Variants in RBM41 observed in about 807,000 individuals in gnomAD.
RBM41 encodes the protein RNA binding motif protein 41.
RBM41 carries 14 observed loss-of-function variants against 30.8 expected under a neutral mutation model. The ratio of observed to expected loss-of-function variants is 0.45; its 90% CI spans 0.30 to 0.71. The LOEUF (loss-of-function observed/expected upper bound fraction) is 0.71. Ranked by LOEUF, RBM41 falls within the 30% of genes least tolerant of loss-of-function variation. The pLI is 0.08. For missense variants in RBM41, 276 were observed against 326.3 expected, an observed-to-expected ratio of 0.85 and a Z score of 1.19; for synonymous variants, 120 against 110.1, an observed-to-expected ratio of 1.09 and a Z score of -0.56.
intron 5 of RBM41, among the ~76,000 whole-genome samples, chrX:107,111,884 C>T (rs765477020): frequency 9.0e-6 from 1 of 110,884 alleles, no homozygotes; most frequent in Non-Finnish European, 1.9e-5. Flanking sequence ...ATGGAGAAAA[C>T]GGGGAGTTAG....
the RBM41 span, among the ~76,000 whole-genome samples, chrX:107,056,586 T>G: frequency 9.0e-6 from 1 of 111,731 alleles, no homozygotes; most frequent in African/African-American, 3.3e-5. Context: ...GATTTTTTCT[T>G]TGTGCGTCAA....
chrX:107,112,916 T>TATC (rs1452928619), intron 5 of RBM41: 1 of 320,504 alleles, frequency 3.1e-6, no homozygotes, highest in Non-Finnish European at 6.0e-6. Flanking sequence ...GAGGGAGTTT[T>TATC]TTAAGGTGAT....
chrX:107,105,433 G>A (rs2147712890), intron 5 of RBM41, among the ~76,000 whole-genome samples: 1 of 106,448 alleles, frequency 9.4e-6, no homozygotes, highest in South Asian at 4.5e-4. Context: ...CGTGAAAATG[G>A]CCATACTGCC....
At position 107,088,558 on chromosome X, in the gene RBM41, T is replaced by C; in HGVS notation, c.877A>G (p.Lys293Glu). 8.3e-7 allele frequency: 1 copy of C among 1,211,721 alleles called. No homozygotes were observed. Among genetic ancestry groups the C allele is most frequent in the Non-Finnish European group, 1.1e-6 (1 of 895,523 alleles). Residue 293 changes from lysine (K) to glutamate (E), a missense_variant, in exon 6 of 8, where the codon AAG becomes GAG. Coordinates refer to ENST00000685964, the MANE Select transcript of RBM41 (RefSeq NM_001324242.2). The part of the protein sequence containing the change: ...FSPEQCWTGP[K>E]KLTQPIEFVP... ...AATTCTATTGGCTGCGTCAGCTTCT[T>C]AGGCCCAGTCCAACACTGCTCAGGT...
chrX:107,092,270 A>C (rs775148635), intron 5 of RBM41, among the ~76,000 whole-genome samples: 22 of 110,687 alleles, frequency 2.0e-4, no homozygotes, highest in African/African-American at 5.9e-4. Context: ...GATGGACCAA[A>C]AAAAAAAAAC....
rs1174948554 is a variant in RBM41, at chrX:107,066,583, T to C, written c.*944A>G. On this transcript the variant is annotated 3_prime_UTR_variant, in exon 8 of 8. Transcript: ENST00000685964. ...TTATCCTCACTTTATAGATGAAAAA[T>C]GTGAGGCTCAGATTAAGTGACTTGC... is the stretch of plus-strand genomic sequence containing the variant. 2 of 335,525 alleles carry C rather than the reference T, an allele frequency of 6.0e-6. No homozygotes were observed. Among genetic ancestry groups the C allele is most frequent in the Non-Finnish European group, 7.7e-6 (2 of 259,162 alleles). 27.7% of individuals were successfully genotyped at this position (335,525 alleles called of 1,213,427 possible). A position where few individuals can be genotyped will look rare whatever the true frequency, so the allele number is the denominator to read the frequency against.
rs1246767352 is a variant in RBM41, at chrX:107,064,817, T to C, written c.*2710A>G. 8.9e-6 allele frequency: 1 copy of C among 111,841 alleles called. No individual in the cohort carries two copies. The highest frequency in any genetic ancestry group is 1.9e-5 in the Non-Finnish European group (1 of 53,180). The allele number at this position is 111,841 out of a possible 1,213,427, so 9.2% of individuals were successfully genotyped here. A position where few individuals can be genotyped will look rare whatever the true frequency, so the allele number is the denominator to read the frequency against. On this transcript the variant is annotated 3_prime_UTR_variant, in exon 8 of 8. Coordinates refer to ENST00000685964, the MANE Select transcript of RBM41 (RefSeq NM_001324242.2). ...GCCTTATAATGTTGTTCAAGTCTTCTATTTCCTGGTTTATCTTCTGTCTAG... is the reference window on the plus strand; with the variant it reads ...GCCTTATAATGTTGTTCAAGTCTTCCATTTCCTGGTTTATCTTCTGTCTAG...
chrX:107,056,336 T>C, the RBM41 span, among the ~76,000 whole-genome samples: 7 of 112,053 alleles, frequency 6.2e-5, no homozygotes, highest in African/African-American at 2.3e-4. Context: ...GTAAGGGACA[T>C]TGGCCTGTAG....
chrX:107,114,774 C>T (rs1342247260), intron 4 of RBM41: 1 of 111,970 alleles, frequency 8.9e-6, no homozygotes, highest in Non-Finnish European at 1.9e-5. Context: ...CCTTCCACAG[C>T]GTCTAGTAAA....
intron 5 of RBM41, among the ~76,000 whole-genome samples, chrX:107,110,245 A>G (rs1924354622): frequency 9.0e-6 from 1 of 111,696 alleles, no homozygotes; most frequent in African/African-American, 3.2e-5. Flanking sequence ...GTATAACTAT[A>G]TAACTATCAG....
chrX:107,076,587 C>T (rs1385902347), intron 6 of RBM41, among the ~76,000 whole-genome samples: 6 of 110,227 alleles, frequency 5.4e-5, no homozygotes, highest in African/African-American at 1.6e-4. Context: ...AGTTGCTGTT[C>T]GACAGGTATA....
At chrX:107,068,811 A>C (rs1389496459) in intron 7 of RBM41, among the ~76,000 whole-genome samples, 1 of 112,411 alleles carries the variant, frequency 8.9e-6, no homozygotes, top group African/African-American at 3.2e-5. Context: ...ATATGCAAAT[A>C]ATATTTAGAA....
chrX:107,113,675 C>G (rs1212156192), intron 4 of RBM41, among the ~76,000 whole-genome samples: 1 of 111,999 alleles, frequency 8.9e-6, no homozygotes, highest in Non-Finnish European at 1.9e-5. Context: ...GGTAACTTGC[C>G]TAGCATCTCA....
chrX:107,108,066 A>G (rs1377481450), intron 5 of RBM41, among the ~76,000 whole-genome samples: 7 of 111,803 alleles, frequency 6.3e-5, no homozygotes, highest in Non-Finnish European at 1.3e-4. Flanking sequence ...ATCTTTTCCA[A>G]TCACATATAC....
intron 5 of RBM41, among the ~76,000 whole-genome samples, chrX:107,106,947 C>G (rs1602608873): frequency 9.1e-6 from 1 of 110,165 alleles, no homozygotes; most frequent in South Asian, 3.9e-4. Context: ...TGCAGTACAC[C>G]AACATGGCAC....
At chrX:107,116,602 T>C in intron 2 of RBM41, 48 bp downstream of exon 2, 3 of 1,190,950 alleles carry the variant, frequency 2.5e-6, no homozygotes, top group Non-Finnish European at 3.4e-6. Flanking sequence ...ATCTGTCACC[T>C]GGAGGTAAGA....
intron 5 of RBM41, among the ~76,000 whole-genome samples, chrX:107,106,537 A>G (rs1346013779): frequency 2.7e-5 from 3 of 111,880 alleles, no homozygotes; most frequent in Non-Finnish European, 5.6e-5. Flanking sequence ...CCAAAGGATT[A>G]TAAAACATGC....
chrX:107,111,568 G>C (rs1026360723), intron 5 of RBM41, among the ~76,000 whole-genome samples: 5 of 110,810 alleles, frequency 4.5e-5, no homozygotes, highest in Middle Eastern at 4.7e-3. Context: ...ATTGAAAGCA[G>C]GTATTCAAAC....
chrX:107,075,527 C>G (rs750132154), intron 6 of RBM41, among the ~76,000 whole-genome samples: 1 of 111,778 alleles, frequency 8.9e-6, no homozygotes, highest in Non-Finnish European at 1.9e-5. Flanking sequence ...ATATAAGGAA[C>G]TCTACAACTT....
Sources: gnomAD v4.1 joint callset for allele counts (sites outside exome capture counted in the v4.1 genomes callset) on GRCh38, gnomAD v4.1.1 for gene constraint, MANE v1.5 for transcripts, NCBI Gene and HGNC (gene_info 2026-07-23, HGNC 2026-07-21) for gene names.